The following CDH4 variants were observed in gnomAD, a reference collection of about 807,000 sequenced individuals.
The protein encoded by CDH4 is cadherin-4.
Under a neutral mutation model 86.0 loss-of-function variants are expected in CDH4, and 33 were observed. The ratio of observed to expected loss-of-function variants is 0.38; its 90% CI spans 0.29 to 0.51. CDH4 has a LOEUF of 0.51. Ranked by LOEUF, CDH4 falls within the 20% of genes least tolerant of loss-of-function variation. CDH4 has a pLI of 0.86. For synonymous variants in CDH4, 555 were observed against 549.4 expected (o/e 1.01, Z -0.14); for missense variants, 1,114 against 1,307.4 (o/e 0.85, Z 2.28).
chr20:61,731,444 G>C (rs186645093), intron 2 of CDH4, among the ~76,000 whole-genome samples: 19 of 152,274 alleles, frequency 1.2e-4, no homozygotes, highest in Middle Eastern at 3.4e-3. Context: ...GATCTCTTTG[G>C]AAAGTGCACG....
At chr20:61,605,619 C>G (rs901914021) in intron 2 of CDH4, among the ~76,000 whole-genome samples, 35 of 152,116 alleles carry the variant, frequency 2.3e-4, no homozygotes, top group East Asian at 1.4e-3. Context: ...CTGTCTCTCT[C>G]TCTGTCTCCC....
chr20:61,841,800 C>T, intron 4 of CDH4, among the ~76,000 whole-genome samples: 1 of 152,164 alleles, frequency 6.6e-6, no homozygotes, highest in Non-Finnish European at 1.5e-5. Flanking sequence ...CTGCAGGCCT[C>T]CTCTCCTGGC....
chr20:61,458,769 T>C (rs1050244186), intron 2 of CDH4, among the ~76,000 whole-genome samples: 7 of 151,662 alleles, frequency 4.6e-5, no homozygotes, highest in Admixed American at 6.6e-5. Flanking sequence ...GTAGTGATGA[T>C]GATGGTGGCA....
chr20:61,467,130 A>C (rs1436804815), intron 2 of CDH4, among the ~76,000 whole-genome samples: 2 of 152,232 alleles, frequency 1.3e-5, no homozygotes, highest in African/African-American at 4.8e-5. Context: ...GTTTGAAATC[A>C]TCTCTATTTC....
chr20:61,722,665 T>C (rs1156549646), intron 2 of CDH4, among the ~76,000 whole-genome samples: 1 of 138,462 alleles, frequency 7.2e-6, no homozygotes, highest in East Asian at 2.1e-4. Context: ...GGACATGTCA[T>C]GTGCATGGAC....
intron 2 of CDH4, among the ~76,000 whole-genome samples, chr20:61,672,802 G>T (rs1410640413): frequency 6.6e-6 from 1 of 152,122 alleles, no homozygotes; most frequent in African/African-American, 2.4e-5. Flanking sequence ...AAGGACTGGG[G>T]CCCTGTGTCC....
chr20:61,409,299 C>T (rs912159129), intron 2 of CDH4, among the ~76,000 whole-genome samples: 2 of 152,214 alleles, frequency 1.3e-5, no homozygotes, highest in East Asian at 1.9e-4. Flanking sequence ...TCACTACATC[C>T]CTGGAACACT....
At chr20:61,353,581 G>T (rs1000618695) in intron 2 of CDH4, among the ~76,000 whole-genome samples, 12 of 77,148 alleles carry the variant, frequency 1.6e-4, no homozygotes, top group African/African-American at 6.2e-4. Context: ...GTGCATCCTG[G>T]CTTTCAATTC....
intron 2 of CDH4, among the ~76,000 whole-genome samples, chr20:61,405,972 G>A (rs535659995): frequency 1.4e-3 from 206 of 152,306 alleles, no homozygotes; most frequent in African/African-American, 4.7e-3. Flanking sequence ...GAGCCACCGC[G>A]CCCGGCCTAT....
intron 2 of CDH4, among the ~76,000 whole-genome samples, chr20:61,555,539 C>CT (rs1211482537): frequency 6.6e-6 from 1 of 152,232 alleles, no homozygotes; most frequent in Non-Finnish European, 1.5e-5. Flanking sequence ...TGCCCCACAC[C>CT]TGGGGGAGAA....
intron 2 of CDH4, among the ~76,000 whole-genome samples, chr20:61,457,667 A>G (rs1005402238): frequency 6.6e-6 from 1 of 151,622 alleles, no homozygotes; most frequent in African/African-American, 2.4e-5. Context: ...CATGATGATG[A>G]CAGTGCTGAC....
chr20:61,434,248 AAT>A (rs1324510132), intron 2 of CDH4, among the ~76,000 whole-genome samples: 1 of 152,136 alleles, frequency 6.6e-6, no homozygotes, highest in Non-Finnish European at 1.5e-5. Context: ...GGTTTTGCTG[AAT>A]GGTGCTCGTT....
chr20:61,330,598 A>G (rs546019184), intron 2 of CDH4, among the ~76,000 whole-genome samples: 1 of 152,318 alleles, frequency 6.6e-6, no homozygotes, highest in Non-Finnish European at 1.5e-5. Flanking sequence ...CTGACGGGGA[A>G]CGCCTGCCTT....
rs8116163 is a variant in CDH4, at chr20:61,600,070, T to G, written c.170-143493T>G. 1,715 of 579,930 alleles carry G rather than the reference T, an allele frequency of 3.0e-3. 32 individuals carry two copies. In the African/African-American group the frequency reaches 0.033, roughly 11 times the overall value. 35.9% of individuals were successfully genotyped at this position (579,930 alleles called of 1,614,324 possible). On this transcript the variant is annotated intron_variant, in intron 2 of 15. Transcript: ENST00000614565. ...TCTCTATTTGAACAGACTGTCTGAC[T>G]CTCCGGGGATGGTTTTCAAAACCAG...
intron 2 of CDH4, among the ~76,000 whole-genome samples, chr20:61,278,958 T>G (rs2427023): frequency 1 from 152,362 of 152,362 alleles, 76,181 homozygotes; most frequent in Non-Finnish European, 1. Flanking sequence ...GCAGGGTTCA[T>G]TATGAGCAGC....
At chr20:61,465,799 A>C (rs889794057) in intron 2 of CDH4, among the ~76,000 whole-genome samples, 1 of 152,152 alleles carries the variant, frequency 6.6e-6, no homozygotes, top group Non-Finnish European at 1.5e-5. Context: ...TAGAAATCAT[A>C]AACCAGAAGA....
In CDH4 at chr20:61,747,445, CAA is replaced by C. The variant is rs11302958; in HGVS notation, c.396+3674_396+3675del. On this transcript the variant is annotated intron_variant, in intron 3 of 15. Coordinates refer to ENST00000614565, the MANE Select transcript of CDH4 (RefSeq NM_001794.5). ...TAGGCAACAGAGTGAGACTCTGTCT[CAA>C]AAAAAAAAAAAAAAAAAGACCCACA... 9.2e-3 allele frequency among the ~76,000 whole-genome samples: 696 copies of C among 75,472 alleles called. 4 individuals carry two copies. Among genetic ancestry groups the C allele is most frequent in the African/African-American group, 0.029 (649 of 22,074 alleles). 49.5% of individuals were successfully genotyped at this position (75,472 alleles called of 152,430 possible).
At chr20:61,576,307 A>G (rs180901099) in intron 2 of CDH4, among the ~76,000 whole-genome samples, 3 of 152,270 alleles carry the variant, frequency 2.0e-5, no homozygotes, top group African/African-American at 7.2e-5. Context: ...CTCTGTCATG[A>G]TGCTTCCCCA....
At chr20:61,886,035 G>A (rs1984525088) in intron 7 of CDH4, among the ~76,000 whole-genome samples, 1 of 152,364 alleles carries the variant, frequency 6.6e-6, no homozygotes, top group Non-Finnish European at 1.5e-5. Context: ...GGGATGCAGG[G>A]CATCTGCAAG....
Sources: allele counts gnomAD v4.1 joint callset (sites outside exome capture counted in the v4.1 genomes callset), GRCh38; gene constraint gnomAD v4.1.1; transcripts MANE v1.5; gene names NCBI Gene and HGNC (gene_info 2026-07-23, HGNC 2026-07-21).